The following PRKN variants were observed in gnomAD, a reference collection of about 807,000 sequenced individuals.
PRKN encodes the protein parkin RBR E3 ubiquitin protein ligase, also known as E3 ubiquitin-protein ligase parkin.
Under a neutral mutation model 59.5 loss-of-function variants are expected in PRKN, and 56 were observed. That is an observed-to-expected ratio of 0.94 (90% CI 0.76 to 1.18). The LOEUF is 1.18. Among genes scored for constraint, PRKN ranks in the 50% most tolerant of loss-of-function variants. The pLI, the probability that PRKN is intolerant of heterozygous loss-of-function variation, is 0.00. For synonymous variants in PRKN, 250 were observed against 222.1 expected (o/e 1.13, Z -1.12); for missense variants, 657 against 596.4 (o/e 1.10, Z -1.06).
At position 162,619,585 on chromosome 6, in the gene PRKN, C is replaced by T. The variant is rs139577573; in HGVS notation, c.7+108077G>A. Among the ~76,000 whole-genome samples the T allele has an allele frequency of 3.2e-4, 48 of 152,080 alleles. 1 individual carries two copies. The highest frequency in any genetic ancestry group is 1.2e-3 in the South Asian group (6 of 4,820). ...GTATTGGTGCCACTACCAGATTGCACGGGAAATGAACCTGACTGAATCTGG... is the reference window on the plus strand; with the variant it reads ...GTATTGGTGCCACTACCAGATTGCATGGGAAATGAACCTGACTGAATCTGG... On this transcript the variant is annotated intron_variant, in intron 1 of 11. Coordinates refer to ENST00000366898, the MANE Select transcript of PRKN (RefSeq NM_004562.3).
At chr6:161,900,102 T>C (rs9347557) in intron 6 of PRKN, among the ~76,000 whole-genome samples, 74,135 of 151,700 alleles carry the variant, frequency 0.49, 18,153 homozygotes, top group Middle Eastern at 0.64. Flanking sequence ...CAGAGTGAGA[T>C]TCTGACTCAA....
At chr6:162,621,123 G>A (rs2846524) in intron 1 of PRKN, among the ~76,000 whole-genome samples, 80,996 of 151,804 alleles carry the variant, frequency 0.53, 22,366 homozygotes, top group African/African-American at 0.64. Context: ...GATCCAGCCC[G>A]CTTGCCAGAC....
At chr6:162,443,051 T>A (rs1031053062) in intron 2 of PRKN, among the ~76,000 whole-genome samples, 1 of 152,160 alleles carries the variant, frequency 6.6e-6, no homozygotes, top group Admixed American at 6.5e-5. Context: ...CAGTAGACAT[T>A]TATTCACTAA....
intron 9 of PRKN, among the ~76,000 whole-genome samples, chr6:161,420,522 A>C (rs765344331): frequency 9.3e-5 from 14 of 150,468 alleles, no homozygotes; most frequent in South Asian, 2.1e-4. Context: ...TTCTTTCTTT[A>C]TTTATTTTTG....
At chr6:162,254,603 A>G (rs906140097) in intron 3 of PRKN, among the ~76,000 whole-genome samples, 4 of 152,140 alleles carry the variant, frequency 2.6e-5, no homozygotes, top group Admixed American at 6.5e-5. Context: ...CTCACTTAGA[A>G]TAAGAGCTGT....
At chr6:162,185,723 T>C (rs990791495) in intron 4 of PRKN, among the ~76,000 whole-genome samples, 1 of 152,080 alleles carries the variant, frequency 6.6e-6, no homozygotes, top group Non-Finnish European at 1.5e-5. Context: ...AACATGACAT[T>C]TACCAAAGGA....
chr6:162,095,712 T>C (rs1333199735), intron 4 of PRKN, among the ~76,000 whole-genome samples: 1 of 152,156 alleles, frequency 6.6e-6, no homozygotes, highest in Non-Finnish European at 1.5e-5. Context: ...AAACTTAATA[T>C]CCAGAAAGAA....
intron 2 of PRKN, among the ~76,000 whole-genome samples, chr6:162,297,207 G>A (rs906342379): frequency 7.5e-6 from 1 of 133,416 alleles, no homozygotes; most frequent in Non-Finnish European, 1.6e-5. Flanking sequence ...TCTTAGTTTC[G>A]CAAAGGCAGC....
chr6:161,523,975 G>GA (rs1440755122), intron 9 of PRKN, among the ~76,000 whole-genome samples: 14 of 151,706 alleles, frequency 9.2e-5, no homozygotes, highest in African/African-American at 3.1e-4. Flanking sequence ...GAAGTAAGAG[G>GA]AAAAAAATGA....
chr6:162,126,651 C>T (rs916466736), intron 4 of PRKN, among the ~76,000 whole-genome samples: 1 of 152,194 alleles, frequency 6.6e-6, no homozygotes, highest in African/African-American at 2.4e-5. Context: ...TGCAGACCAG[C>T]TACCAAATGT....
At chr6:162,632,907 G>A (rs1777559625) in intron 1 of PRKN, among the ~76,000 whole-genome samples, 1 of 151,986 alleles carries the variant, frequency 6.6e-6, no homozygotes, top group Non-Finnish European at 1.5e-5. Context: ...TCATTTTCCT[G>A]CTGGAAAACA....
chr6:162,069,276 C>T (rs1051107560), intron 4 of PRKN, among the ~76,000 whole-genome samples: 3 of 152,104 alleles, frequency 2.0e-5, no homozygotes, highest in Non-Finnish European at 2.9e-5. Flanking sequence ...GCTTCTTCCT[C>T]ATTTTCTCTT....
intron 9 of PRKN, among the ~76,000 whole-genome samples, chr6:161,481,399 T>C (rs1257949829): frequency 6.6e-6 from 1 of 152,004 alleles, no homozygotes; most frequent in East Asian, 1.9e-4. Context: ...GGTCAAGAGA[T>C]TGAGACCATC....
intron 3 of PRKN, among the ~76,000 whole-genome samples, chr6:162,228,055 C>T (rs1317943899): frequency 6.6e-6 from 1 of 151,984 alleles, no homozygotes; most frequent in Non-Finnish European, 1.5e-5. Flanking sequence ...AGAGAGAATT[C>T]TCCAAATAGA....
chr6:162,377,860 T>C (rs573068139), intron 2 of PRKN, among the ~76,000 whole-genome samples: 4 of 152,316 alleles, frequency 2.6e-5, no homozygotes, highest in Admixed American at 2.0e-4. Flanking sequence ...CTCCAAACTA[T>C]TCATGCTTAA....
chr6:161,840,974 G>A (rs1184091299), intron 6 of PRKN, among the ~76,000 whole-genome samples: 2 of 152,136 alleles, frequency 1.3e-5, no homozygotes, highest in East Asian at 1.9e-4. Context: ...TGATGGGATT[G>A]TAAAAAAAGT....
intron 5 of PRKN, among the ~76,000 whole-genome samples, chr6:161,992,051 CAAA>C (rs1378181587): frequency 5.9e-5 from 9 of 151,954 alleles, no homozygotes; most frequent in African/African-American, 2.2e-4. Context: ...TAAAAAGAGA[CAAA>C]GAAGGCTGGG....
chr6:162,184,891 CA>C (rs1471675554), intron 4 of PRKN, among the ~76,000 whole-genome samples: 2 of 152,094 alleles, frequency 1.3e-5, no homozygotes, highest in African/African-American at 4.8e-5. Context: ...CACTTTTTAA[CA>C]ATACGAGTTT....
chr6:162,101,110 T>C (rs766792521), intron 4 of PRKN, among the ~76,000 whole-genome samples: 1 of 152,124 alleles, frequency 6.6e-6, no homozygotes, highest in Non-Finnish European at 1.5e-5. Context: ...TTTTCCCTTT[T>C]GTTGCTTGTG....
Sources: gnomAD v4.1 joint callset for allele counts (sites outside exome capture counted in the v4.1 genomes callset) on GRCh38, gnomAD v4.1.1 for gene constraint, MANE v1.5 for transcripts, NCBI Gene and HGNC (gene_info 2026-07-23, HGNC 2026-07-21) for gene names.